MAPK10: variants seen among roughly 807,000 people sequenced by gnomAD.
MAPK10 encodes the protein mitogen-activated protein kinase 10.
In MAPK10, 25 loss-of-function variants were observed where a neutral mutation model predicts 59.3. The observed-to-expected ratio is 0.42, with a 90% confidence interval of 0.31 to 0.59. The LOEUF is 0.59. Among genes scored for constraint, MAPK10 ranks in the 20% least tolerant of loss-of-function variants. MAPK10 has a pLI of 0.15. For synonymous variants in MAPK10, 190 were observed against 200.5 expected, an observed-to-expected ratio of 0.95 and a Z score of 0.44; for missense variants, 351 against 568.9, an observed-to-expected ratio of 0.62 and a Z score of 3.90.
rs369281745 is a variant in MAPK10 at position 86,432,133 on chromosome 4, G to A, written c.-122+20897C>T. On this transcript the variant is annotated intron_variant, in intron 1 of 13. Transcript: ENST00000361569. ...CTAATGGTGGTTAGCTAGCCAGGAG[G>A]GTCTAATGAGATGGGTCCAACCTCC... Among the ~76,000 whole-genome samples, 21 of 152,236 alleles carry A rather than the reference G, an allele frequency of 1.4e-4. No homozygotes were observed. The South Asian group carries it at 3.7e-3, about 27-fold the overall frequency.
chr4:86,016,852 G>GTCGCCGT lies in MAPK10; in HGVS notation c.*375_*376insACGGCGA. On this transcript the variant is annotated 3_prime_UTR_variant, in exon 14 of 14. Transcript: ENST00000641462. ...GCAAGATAGAGACACACACATGCTG[G>GTCGCCGT]ATGGGGCCACTGCACACCTTGTCAT... is the stretch of plus-strand genomic sequence containing the variant. 9.5e-6 allele frequency: 2 copies of GTCGCCGT among 211,404 alleles called. No homozygotes were observed. The highest frequency in any genetic ancestry group is 7.4e-5 in the South Asian group (1 of 13,474). The allele number at this position is 211,404 out of a possible 1,614,324, so 13.1% of individuals were successfully genotyped here.
intron 1 of MAPK10, among the ~76,000 whole-genome samples, chr4:86,425,136 T>C (rs1364675207): frequency 6.6e-6 from 1 of 152,104 alleles, no homozygotes; most frequent in Non-Finnish European, 1.5e-5. Context: ...AGAATCAACA[T>C]GTGGAGGGAC....
intron 2 of MAPK10, among the ~76,000 whole-genome samples, chr4:86,313,855 G>A (rs994011564): frequency 1.3e-5 from 2 of 152,044 alleles, no homozygotes; most frequent in African/African-American, 4.8e-5. Flanking sequence ...TTCCACCCCA[G>A]ATGCATACAC....
chr4:86,497,788 C>T (rs1020451266), intron 1 of MAPK10, among the ~76,000 whole-genome samples: 6 of 152,132 alleles, frequency 3.9e-5, no homozygotes, highest in Non-Finnish European at 8.8e-5. Context: ...TGAGAAGATA[C>T]GCTAACAATC....
At chr4:86,270,860 G>T (rs1053469479) in intron 2 of MAPK10, among the ~76,000 whole-genome samples, 4 of 151,982 alleles carry the variant, frequency 2.6e-5, no homozygotes, top group African/African-American at 9.7e-5. Flanking sequence ...AATAGTTGAT[G>T]AAATATTTTT....
At chr4:86,181,093 G>A (rs1461166774) in intron 3 of MAPK10, among the ~76,000 whole-genome samples, 1 of 151,990 alleles carries the variant, frequency 6.6e-6, no homozygotes, top group Admixed American at 6.6e-5. Context: ...ACATCACTAT[G>A]TACCTCCATA....
chr4:86,045,325 T>A (rs1159086519), intron 11 of MAPK10, among the ~76,000 whole-genome samples: 2 of 152,120 alleles, frequency 1.3e-5, no homozygotes, highest in East Asian at 1.9e-4. Flanking sequence ...AGTGCCTTGG[T>A]CAGGAATCTT....
At chr4:86,427,054 G>A (rs926885708) in intron 1 of MAPK10, among the ~76,000 whole-genome samples, 21 of 151,758 alleles carry the variant, frequency 1.4e-4, no homozygotes, top group Admixed American at 2.0e-4. Context: ...TCAAGAGATC[G>A]AGACCATCCT....
At chr4:86,018,884 C>A (rs901593299) in intron 13 of MAPK10, among the ~76,000 whole-genome samples, 1 of 152,088 alleles carries the variant, frequency 6.6e-6, no homozygotes, top group African/African-American at 2.4e-5. Context: ...ATCACATAGA[C>A]CTAATAAATC....
At chr4:86,231,495 G>GA (rs981735920) in intron 2 of MAPK10, among the ~76,000 whole-genome samples, 28 of 147,072 alleles carry the variant, frequency 1.9e-4, no homozygotes, top group Admixed American at 3.4e-4. Flanking sequence ...CCCTACTAAA[G>GA]AAAAAAAAAA....
intron 4 of MAPK10, among the ~76,000 whole-genome samples, chr4:86,137,415 A>C (rs1188266154): frequency 2.9e-5 from 4 of 139,960 alleles, no homozygotes; most frequent in Non-Finnish European, 6.1e-5. Flanking sequence ...GAAACTGAAC[A>C]ACCTGCTCCT....
At chr4:86,454,861 A>G (rs1458347867), upstream of MAPK10, among the ~76,000 whole-genome samples, 1 of 152,034 alleles carries the variant, frequency 6.6e-6, no homozygotes, top group African/African-American at 2.4e-5. Context: ...AAGAAAAAAA[A>G]TCTTAAGAGA....
At chr4:86,409,299 G>C (rs1744814684) in intron 1 of MAPK10, among the ~76,000 whole-genome samples, 1 of 152,176 alleles carries the variant, frequency 6.6e-6, no homozygotes, top group Admixed American at 6.5e-5. Flanking sequence ...TTTGGTTACT[G>C]TAACCCTGAA....
chr4:86,377,869 AAGAT>A (rs1350597069), intron 1 of MAPK10, among the ~76,000 whole-genome samples: 1 of 152,104 alleles, frequency 6.6e-6, no homozygotes, highest in Non-Finnish European at 1.5e-5. Flanking sequence ...GCACAAGAGA[AAGAT>A]ACAGGATGGG....
intron 1 of MAPK10, among the ~76,000 whole-genome samples, chr4:86,376,665 T>C (rs1323626558): frequency 6.6e-6 from 1 of 152,216 alleles, no homozygotes; most frequent in Admixed American, 6.5e-5. Context: ...ATATAATTAA[T>C]CATATCCATT....
At chr4:86,534,556 G>A (rs976699489) in intron 1 of MAPK10, among the ~76,000 whole-genome samples, 9 of 152,094 alleles carry the variant, frequency 5.9e-5, no homozygotes, top group African/African-American at 2.2e-4. Context: ...AAAACGGAGT[G>A]AGTGGTATAT....
At chr4:86,211,624 G>A (rs2149354318) in intron 2 of MAPK10, among the ~76,000 whole-genome samples, 1 of 152,136 alleles carries the variant, frequency 6.6e-6, no homozygotes, top group Middle Eastern at 3.4e-3. Context: ...ACTATATGAG[G>A]AAGTAAAAAC....
chr4:86,345,814 G>A (rs1332436576), intron 2 of MAPK10, among the ~76,000 whole-genome samples: 1 of 152,152 alleles, frequency 6.6e-6, no homozygotes, highest in Non-Finnish European at 1.5e-5. Flanking sequence ...GCAGTGTCCT[G>A]CTATTTTAAT....
At chr4:86,216,140 G>A (rs1334674346) in intron 2 of MAPK10, among the ~76,000 whole-genome samples, 1 of 151,730 alleles carries the variant, frequency 6.6e-6, no homozygotes, top group Non-Finnish European at 1.5e-5. Context: ...AGAATTGAAA[G>A]CAGGGTCTCA....
Sources: allele counts gnomAD v4.1 joint callset (sites outside exome capture counted in the v4.1 genomes callset), GRCh38; gene constraint gnomAD v4.1.1; transcripts MANE v1.5; gene names NCBI Gene and HGNC (gene_info 2026-07-23, HGNC 2026-07-21).